The following CTNNAL1 variants were observed in gnomAD, a reference collection of about 807,000 sequenced individuals.
CTNNAL1 encodes catenin alpha like 1.
In CTNNAL1, 69 loss-of-function variants were observed where a neutral mutation model predicts 93.6. The observed-to-expected ratio is 0.74, with a 90% CI of 0.61 to 0.90. CTNNAL1 has a LOEUF of 0.90. CTNNAL1 is among the 40% of genes least tolerant of loss of function. The pLI, the probability that CTNNAL1 is intolerant of heterozygous loss-of-function variation, is 0.00. For missense variants in CTNNAL1, 836 were observed against 862.0 expected (o/e 0.97, Z 0.38); for synonymous variants, 286 against 305.4 (o/e 0.94, Z 0.66).
intron 1 of CTNNAL1, among the ~76,000 whole-genome samples, chr9:109,008,506 G>C (rs1827106149): frequency 6.6e-6 from 1 of 152,120 alleles, no homozygotes; most frequent in Non-Finnish European, 1.5e-5. Flanking sequence ...CTTAGGAGTG[G>C]AATTGCTGGG....
chr9:108,957,038 T>C (rs1830704421), intron 11 of CTNNAL1, among the ~76,000 whole-genome samples: 2 of 151,724 alleles, frequency 1.3e-5, no homozygotes, highest in Non-Finnish European at 2.9e-5. Flanking sequence ...TATGTTTACA[T>C]GGTATTTTGG....
chr9:109,000,426 G>A (rs369488780), intron 1 of CTNNAL1, among the ~76,000 whole-genome samples: 7 of 152,150 alleles, frequency 4.6e-5, no homozygotes, highest in African/African-American at 1.7e-4. Context: ...CAACAAGAAA[G>A]AAAAGCCCAC....
intron 11 of CTNNAL1, among the ~76,000 whole-genome samples, chr9:108,961,255 G>C (rs1830814980): frequency 6.6e-6 from 1 of 152,202 alleles, no homozygotes; most frequent in Non-Finnish European, 1.5e-5. Flanking sequence ...GCAGGTGCAA[G>C]GTAATGAGCA....
chr9:108,943,450 G>A (rs73526138), intron 17 of CTNNAL1, among the ~76,000 whole-genome samples: 3 of 152,318 alleles, frequency 2.0e-5, no homozygotes, highest in African/African-American at 7.2e-5. Context: ...AGTTGCAGAG[G>A]TAATGACTTC....
chr9:108,959,898 C>T (rs1441397069), intron 11 of CTNNAL1, among the ~76,000 whole-genome samples: 4 of 152,066 alleles, frequency 2.6e-5, no homozygotes, highest in African/African-American at 9.7e-5. Context: ...TAAGGGAGCA[C>T]TAAAATTATT....
Position 108,972,605 on chromosome 9 carries a change from G to A in CTNNAL1, c.1347+70C>T, listed in dbSNP as rs188779634. The A allele has an allele frequency of 1.3e-4, 177 of 1,338,380 alleles. 3 individuals are homozygous for A. In the African/African-American group the frequency reaches 2.4e-3, roughly 18 times the overall value. The allele number at this position is 1,338,380 out of a possible 1,614,324, so 82.9% of individuals were successfully genotyped here. On this transcript the variant is annotated intron_variant, in intron 9 of 18. Coordinates refer to ENST00000325551, the MANE Select transcript of CTNNAL1 (RefSeq NM_003798.4). ...TAAATTAACCCAAAACTGTATTTGT[G>A]TTAACATTCCCACATAGTTTAATAA... is the stretch of plus-strand genomic sequence containing the variant.
At chr9:108,953,931 T>A (rs1273203328) in intron 12 of CTNNAL1, among the ~76,000 whole-genome samples, 1 of 152,212 alleles carries the variant, frequency 6.6e-6, no homozygotes, top group Non-Finnish European at 1.5e-5. Context: ...ATCCTTGGTC[T>A]AGTTGACTAT....
At position 108,970,500 on chromosome 9, in the gene CTNNAL1, A is replaced by G. The variant is rs1270324522; in HGVS notation, c.1348-6T>C. 1.9e-6 allele frequency: 3 copies of G among 1,607,088 alleles called. No individual in the cohort carries two copies. Among genetic ancestry groups the G allele is most frequent in the Non-Finnish European group, 2.5e-6 (3 of 1,177,122 alleles). ...TGTCGTAACAATCGACAGGTCTACA[A>G]GACAATATGTCTACAGTTTAACTTT... is the stretch of plus-strand genomic sequence containing the variant. On this transcript the variant is annotated splice_polypyrimidine_tract_variant and splice_region_variant and intron_variant, in intron 9 of 18. Coordinates refer to ENST00000325551, the MANE Select transcript of CTNNAL1 (RefSeq NM_003798.4).
chr9:108,993,325 C>T (rs1831887023), intron 2 of CTNNAL1, among the ~76,000 whole-genome samples: 2 of 152,136 alleles, frequency 1.3e-5, no homozygotes, highest in South Asian at 4.1e-4. Context: ...GCTTTAGGCC[C>T]CAAGGGATGA....
chr9:108,980,388 A>G (rs1180668370), intron 6 of CTNNAL1, among the ~76,000 whole-genome samples: 1 of 152,246 alleles, frequency 6.6e-6, no homozygotes, highest in Non-Finnish European at 1.5e-5. Flanking sequence ...CCAAGAGGCA[A>G]CAAGCGGTAA....
At chr9:108,953,497 T>C (rs911888595) in intron 12 of CTNNAL1, among the ~76,000 whole-genome samples, 1 of 150,198 alleles carries the variant, frequency 6.7e-6, no homozygotes, top group Non-Finnish European at 1.5e-5. Flanking sequence ...TTCACATACC[T>C]GCACACACAG....
intron 1 of CTNNAL1, among the ~76,000 whole-genome samples, chr9:109,012,113 C>T (rs10816766): frequency 0.69 from 105,343 of 152,118 alleles, 36,827 homozygotes; most frequent in East Asian, 0.75. Flanking sequence ...ATCACTGCTC[C>T]GTTAGCCATG....
intron 5 of CTNNAL1, among the ~76,000 whole-genome samples, chr9:108,983,724 G>A (rs1831510932): frequency 6.6e-6 from 1 of 152,298 alleles, no homozygotes. Flanking sequence ...CAAGGGCCTA[G>A]ACAAAATAGA....
intron 4 of CTNNAL1, among the ~76,000 whole-genome samples, chr9:108,988,636 G>A (rs969758148): frequency 6.6e-6 from 1 of 152,240 alleles, no homozygotes; most frequent in East Asian, 1.9e-4. Context: ...CTACCTCTCT[G>A]ATTTCATCTT....
At chr9:108,968,945 T>C (rs2132125023) in intron 10 of CTNNAL1, among the ~76,000 whole-genome samples, 1 of 151,900 alleles carries the variant, frequency 6.6e-6, no homozygotes, top group African/African-American at 2.4e-5. Flanking sequence ...AAAGAACAAC[T>C]GCAAAACGTT....
intron 4 of CTNNAL1, among the ~76,000 whole-genome samples, chr9:108,987,185 C>G (rs1165977308): frequency 6.6e-6 from 1 of 151,932 alleles, no homozygotes; most frequent in Non-Finnish European, 1.5e-5. Context: ...GTCTTTAATC[C>G]GTCTTGAATT....
At chr9:108,991,929 T>C (rs1488024460) in intron 3 of CTNNAL1, 2 of 649,228 alleles carry the variant, frequency 3.1e-6, no homozygotes, top group African/African-American at 1.8e-5. Flanking sequence ...ACTTCTGGAC[T>C]GGAAGAGTTT....
At chr9:108,971,868 C>G (rs941237152) in intron 9 of CTNNAL1, among the ~76,000 whole-genome samples, 1 of 152,158 alleles carries the variant, frequency 6.6e-6, no homozygotes, top group African/African-American at 2.4e-5. Flanking sequence ...GGTGAAGCAT[C>G]AGTAACTCAT....
chr9:108,958,391 T>C (rs1462752904), intron 11 of CTNNAL1, among the ~76,000 whole-genome samples: 1 of 152,202 alleles, frequency 6.6e-6, no homozygotes, highest in Non-Finnish European at 1.5e-5. Flanking sequence ...GTAACCTGAT[T>C]TGCTACTATT....
Sources: allele counts gnomAD v4.1 joint callset (sites outside exome capture counted in the v4.1 genomes callset), GRCh38; gene constraint gnomAD v4.1.1; transcripts MANE v1.5; gene names NCBI Gene and HGNC (gene_info 2026-07-23, HGNC 2026-07-21).